The following DLG3 variants were observed in gnomAD, a reference collection of about 807,000 sequenced individuals.
DLG3 encodes discs large MAGUK scaffold protein 3.
A neutral mutation model predicts 64.1 loss-of-function variants in DLG3; 1 was observed. The ratio of observed to expected loss-of-function variants is 0.02; its 90% CI spans 0.01 to 0.07. DLG3 has a LOEUF of 0.07. Ranked by LOEUF, DLG3 falls within the 10% of genes least tolerant of loss-of-function variation. The pLI, the probability that DLG3 is intolerant of heterozygous loss-of-function variation, is 1.00. For missense variants in DLG3, 429 were observed against 669.5 expected, an observed-to-expected ratio of 0.64 and a Z score of 3.96; for synonymous variants, 245 against 259.8, an observed-to-expected ratio of 0.94 and a Z score of 0.55.
In DLG3 at chrX:70,478,325, C is replaced by T. The variant is rs976077135; in HGVS notation, c.1406-825C>T. Among the ~76,000 whole-genome samples the T allele has an allele frequency of 1.2e-4, 13 of 111,726 alleles. No homozygotes were observed. In the East Asian group the frequency reaches 1.4e-3, roughly 12 times the overall value. ...TTCTTGTATCAGGTTTTCTTAAATT[C>T]GGCATAAACCTGTATTACATTTCCA... is the stretch of plus-strand genomic sequence containing the variant. On this transcript the variant is annotated intron_variant, in intron 9 of 18. Coordinates refer to ENST00000374360, the MANE Select transcript of DLG3 (RefSeq NM_021120.4).
chrX:70,478,389 A>G (rs921609839), intron 9 of DLG3, among the ~76,000 whole-genome samples: 10 of 111,643 alleles, frequency 9.0e-5, no homozygotes, highest in African/African-American at 1.3e-4. Context: ...GATGGTCTCA[A>G]TGGGCTATAA....
At chrX:70,488,308 C>A in intron 10 of DLG3, among the ~76,000 whole-genome samples, 1 of 111,976 alleles carries the variant, frequency 8.9e-6, no homozygotes, top group Admixed American at 9.5e-5. Flanking sequence ...CTGCACCCGG[C>A]CGATAATTAG....
intron 10 of DLG3, among the ~76,000 whole-genome samples, chrX:70,480,532 A>G (rs1239315163): frequency 3.6e-5 from 4 of 111,416 alleles, no homozygotes; most frequent in Admixed American, 1.9e-4. Context: ...GGAGAATGGT[A>G]GGAAGGCGGG....
chrX:70,454,226 A>C lies in DLG3; in HGVS notation c.1315A>C (p.Asn439His), dbSNP rs1180055964. The C allele has an allele frequency of 2.5e-6, 3 of 1,209,421 alleles. No individual in the cohort carries two copies. The change falls in exon 9 of 19, where the codon AAT becomes CAT. Residue 439 changes from asparagine (N) to histidine (H), a missense_variant. By Grantham distance (68) the Asn-to-His change is moderately conservative. Transcript: ENST00000374360. ...TCTCTTTGGACAGGTGAATGGAGTGAATCTGAGGAATGCAACTCATGAGCA... is the reference window on the plus strand; with the variant it reads ...TCTCTTTGGACAGGTGAATGGAGTGCATCTGAGGAATGCAACTCATGAGCA... The part of the protein sequence containing the change: ...GDRILSVNGV[N>H]LRNATHEQAA...
At chrX:70,500,692 G>C (rs1321519657) in intron 17 of DLG3, 112 bp downstream of exon 17, 3 of 736,246 alleles carry the variant, frequency 4.1e-6, no homozygotes, top group African/African-American at 2.1e-5. Flanking sequence ...CTGTGCCCCA[G>C]CTCTGGTCAC....
intron 1 of DLG3, 91 bp downstream of exon 1, chrX:70,445,649 G>T: frequency 1.0e-5 from 9 of 889,719 alleles, no homozygotes; most frequent in Non-Finnish European, 1.4e-5. Flanking sequence ...GGGGTCGCTG[G>T]GGCTCCAAGC....
chrX:70,492,973 GCGGGTT>G (rs1280165686), intron 12 of DLG3, among the ~76,000 whole-genome samples: 1 of 111,873 alleles, frequency 8.9e-6, no homozygotes, highest in Non-Finnish European at 1.9e-5. Context: ...CCTGAGGCAG[GCGGGTT>G]CTCCATTCAC....
chrX:70,448,045 G>C (rs757706523), intron 1 of DLG3, among the ~76,000 whole-genome samples: 2 of 111,683 alleles, frequency 1.8e-5, no homozygotes, highest in Admixed American at 9.5e-5. Flanking sequence ...TCCCACCCTC[G>C]CCCTTTCTGC....
At chrX:70,466,400 A>G (rs2086888025) in intron 9 of DLG3, among the ~76,000 whole-genome samples, 1 of 106,065 alleles carries the variant, frequency 9.4e-6, no homozygotes, top group African/African-American at 3.4e-5. Flanking sequence ...ATTCTTTGTC[A>G]TATATATTGC....
intron 10 of DLG3, among the ~76,000 whole-genome samples, chrX:70,484,020 T>C (rs2087211709): frequency 8.9e-6 from 1 of 112,311 alleles, no homozygotes; most frequent in East Asian, 2.8e-4. Context: ...ACAAAGACAC[T>C]GAGTAAGTTA....
rs1318272008 is a variant in DLG3 at position 70,449,457 on chromosome X, A to T, written c.507A>T (p.Gly169=). 1 of 1,211,195 alleles carries T rather than the reference A, an allele frequency of 8.3e-7. No homozygotes were observed. The highest frequency in any genetic ancestry group is 1.1e-6 in the Non-Finnish European group (1 of 895,304). Residue 169 remains glycine (G), a synonymous_variant, in exon 3 of 19, where the codon GGA becomes GGT. Coordinates refer to ENST00000374360, the MANE Select transcript of DLG3 (RefSeq NM_021120.4). ...GIFITKIIPG[G]AAAMDGRLGV... ...TTATTACCAAGATTATCCCTGGTGG[A>T]GCAGCTGCCATGGATGGGAGGCTGG...
intron 9 of DLG3, among the ~76,000 whole-genome samples, chrX:70,472,083 T>G (rs2086980028): frequency 8.9e-6 from 1 of 112,341 alleles, no homozygotes; most frequent in Admixed American, 9.5e-5. Flanking sequence ...TTCCCCTGTT[T>G]GCACTCTGCC....
At chrX:70,496,449 G>A (rs776751459) in intron 13 of DLG3, among the ~76,000 whole-genome samples, 1 of 112,720 alleles carries the variant, frequency 8.9e-6, no homozygotes, top group Admixed American at 9.3e-5. Context: ...TCCTACGAGC[G>A]CTGCTCCTCC....
At chrX:70,475,991 A>G (rs2087048449) in intron 9 of DLG3, among the ~76,000 whole-genome samples, 1 of 111,943 alleles carries the variant, frequency 8.9e-6, no homozygotes, top group Non-Finnish European at 1.9e-5. Context: ...AATCACACTG[A>G]TGCTTGTTAA....
At position 70,449,866 on chromosome X, in the gene DLG3, C is replaced by T; in HGVS notation, c.703+7C>T. On this transcript the variant is annotated splice_region_variant and intron_variant, in intron 4 of 18. Coordinates refer to ENST00000374360, the MANE Select transcript of DLG3 (RefSeq NM_021120.4). The stretch of plus-strand genomic sequence containing the variant: ...CTGCTCAAAGGGCCCAAAGGTGCGG[C>T]CCTCCAGGTTCCTGTGCTCCAGCCA... 1 of 1,175,341 alleles carries T rather than the reference C, an allele frequency of 8.5e-7. No individual in the cohort carries two copies. Among genetic ancestry groups the T allele is most frequent in the East Asian group, 3.1e-5 (1 of 32,023 alleles).
Position 70,448,942 on chromosome X carries a change from T to C in DLG3, c.387T>C (p.Tyr129=). ...QVNGSDGMFK[Y]EEIVLERGNS... The stretch of plus-strand genomic sequence containing the variant: ...ATGGCAGTGATGGCATGTTCAAATA[T>C]GAGGAAATCGTACTTGAGAGGGTGA... Residue 129 remains tyrosine, a synonymous_variant, in exon 2 of 19, where the codon TAT becomes TAC. Transcript: ENST00000374360. 1 of 1,208,870 alleles carries C rather than the reference T, an allele frequency of 8.3e-7. No individual in the cohort carries two copies. Among genetic ancestry groups the C allele is most frequent in the South Asian group, 1.8e-5 (1 of 56,070 alleles).
intron 9 of DLG3, among the ~76,000 whole-genome samples, chrX:70,470,417 G>T (rs1475354198): frequency 9.0e-6 from 1 of 111,046 alleles, no homozygotes; most frequent in African/African-American, 3.3e-5. Context: ...TTTTAGTAGA[G>T]ACAGGGTTTC....
chrX:70,452,746 G>T, intron 7 of DLG3: 1 of 1,188,368 alleles, frequency 8.4e-7, no homozygotes. Flanking sequence ...CGGCCCGGAG[G>T]GGATGCCAGG....
At chrX:70,498,487 A>G (rs2087495536) in intron 13 of DLG3, 33 bp from the exon 14 acceptor site, 1 of 1,197,707 alleles carries the variant, frequency 8.3e-7, no homozygotes, top group South Asian at 1.8e-5. Flanking sequence ...GGCAGATCAT[A>G]TGGTGCTAAC....
Sources: allele counts gnomAD v4.1 joint callset (sites outside exome capture counted in the v4.1 genomes callset), GRCh38; gene constraint gnomAD v4.1.1; transcripts MANE v1.5; gene names NCBI Gene and HGNC (gene_info 2026-07-23, HGNC 2026-07-21).